The following MIR2052HG variants were observed in gnomAD, a reference collection of about 807,000 sequenced individuals.
The protein encoded by MIR2052HG is MIR2052 host gene.
intron 2 of MIR2052HG, among the ~76,000 whole-genome samples, chr8:74,633,550 C>G (rs924850830): frequency 6.6e-6 from 1 of 152,210 alleles, no homozygotes; most frequent in African/African-American, 2.4e-5. Flanking sequence ...TCTTACCTTG[C>G]TAAATGACGG....
At chr8:74,603,684 G>A in intron 1 of MIR2052HG, 1 of 1,005,764 alleles carries the variant, frequency 9.9e-7, no homozygotes, top group Non-Finnish European at 1.6e-6. Flanking sequence ...CTGCAAAGAT[G>A]ACCGGAGAGC....
intron 2 of MIR2052HG, among the ~76,000 whole-genome samples, chr8:74,686,627 G>C (rs1809184605): frequency 6.6e-6 from 1 of 152,056 alleles, no homozygotes; most frequent in Admixed American, 6.6e-5. Flanking sequence ...TCTTCAGTTT[G>C]TTATCTGTAA....
intron 2 of MIR2052HG, among the ~76,000 whole-genome samples, chr8:74,662,943 AC>A (rs1418482044): frequency 5.3e-5 from 8 of 151,830 alleles, no homozygotes; most frequent in African/African-American, 1.9e-4. Context: ...AAAAACAGAT[AC>A]TTTTTAAAGA....
intron 2 of MIR2052HG, among the ~76,000 whole-genome samples, chr8:74,690,771 G>T (rs2128739891): frequency 6.6e-6 from 1 of 152,192 alleles, no homozygotes; most frequent in South Asian, 2.1e-4. Flanking sequence ...AGAAGTTTAG[G>T]CGGTATCTTG....
chr8:74,673,910 TACACACACAAA>T (rs1809021712), intron 2 of MIR2052HG, among the ~76,000 whole-genome samples: 23 of 133,166 alleles, frequency 1.7e-4, no homozygotes, highest in African/African-American at 6.4e-4. Context: ...TATATATATA[TACACACACAAA>T]ATATCTATCT....
chr8:74,661,712 T>C (rs926165096), intron 2 of MIR2052HG, among the ~76,000 whole-genome samples: 1 of 152,134 alleles, frequency 6.6e-6, no homozygotes, highest in African/African-American at 2.4e-5. Flanking sequence ...GCAATGGCAT[T>C]CATCTGAACC....
Position 74,755,333 on chromosome 8 carries a change from T to C in MIR2052HG, n.465-2778T>C, listed in dbSNP as rs577617761. ...ATGTGTGTATTGGCAGAGTTGAAGA[T>C]AAACAATGCCAAAAGACCTCTAAAA... On this transcript the variant is annotated intron_variant and non_coding_transcript_variant, in intron 5 of 6. Transcript: ENST00000523442. 2.3e-4 allele frequency among the ~76,000 whole-genome samples: 35 copies of C among 152,340 alleles called. No individual in the cohort carries two copies. In the South Asian group the frequency reaches 6.4e-3, roughly 28 times the overall value.
chr8:74,699,245 A>G (rs1191814924), intron 2 of MIR2052HG, among the ~76,000 whole-genome samples: 1 of 152,152 alleles, frequency 6.6e-6, no homozygotes, highest in Non-Finnish European at 1.5e-5. Flanking sequence ...TGATCCAGCA[A>G]TCTCAATACT....
intron 2 of MIR2052HG, among the ~76,000 whole-genome samples, chr8:74,617,056 AC>A (rs1232684325): frequency 2.0e-5 from 3 of 152,194 alleles, no homozygotes; most frequent in African/African-American, 7.2e-5. Flanking sequence ...TTAAATACTT[AC>A]TTTCCTCACT....
chr8:74,710,575 A>C (rs1809457421), intron 4 of MIR2052HG, among the ~76,000 whole-genome samples: 1 of 152,168 alleles, frequency 6.6e-6, no homozygotes, highest in South Asian at 2.1e-4. Context: ...TTTATAGCAG[A>C]GTAATGTGGT....
At chr8:74,752,007 G>T (rs1177865921) in intron 4 of MIR2052HG, among the ~76,000 whole-genome samples, 1 of 151,848 alleles carries the variant, frequency 6.6e-6, no homozygotes, top group Non-Finnish European at 1.5e-5. Flanking sequence ...AACAGTCTAG[G>T]CATAGTCATA....
Position 74,733,049 on chromosome 8 carries a change from CATTTATTTATTT to C in MIR2052HG, n.372-19363_372-19352del, listed in dbSNP as rs71565409. ...ACCTAATCAGAGACCAATTAGGAGA[CATTTATTTATTT>C]ATTTATTTATTTATTTATTTATTTA... On this transcript the variant is annotated intron_variant and non_coding_transcript_variant, in intron 4 of 6. Transcript: ENST00000523442. Among the ~76,000 whole-genome samples, 140 of 148,940 alleles carry C rather than the reference CATTTATTTATTT, an allele frequency of 9.4e-4. 1 individual carries two copies. In the South Asian group the frequency reaches 0.016, roughly 17 times the overall value.
At chr8:74,603,349 AG>A in intron 1 of MIR2052HG, 1 of 1,610,932 alleles carries the variant, frequency 6.2e-7, no homozygotes, top group East Asian at 2.2e-5. Flanking sequence ...ATATTGAGCC[AG>A]GCTAATGCTG....
At chr8:74,730,785 C>T (rs1809683600) in intron 4 of MIR2052HG, among the ~76,000 whole-genome samples, 1 of 112,100 alleles carries the variant, frequency 8.9e-6, no homozygotes, top group African/African-American at 4.6e-5. Flanking sequence ...ACTGTTGAAG[C>T]AATTTTTATG....
At chr8:74,703,702 T>C (rs1274921385) in intron 4 of MIR2052HG, 5 of 447,080 alleles carry the variant, frequency 1.1e-5, no homozygotes, top group Non-Finnish European at 2.2e-5. Flanking sequence ...ATTTCTGCTA[T>C]GCTGTGGGAT....
At chr8:74,600,439 C>G (rs1426363843) in intron 1 of MIR2052HG, among the ~76,000 whole-genome samples, 1 of 151,370 alleles carries the variant, frequency 6.6e-6, no homozygotes, top group African/African-American at 2.4e-5. Flanking sequence ...CAAAATTAGC[C>G]GGGCGTGGTT....
chr8:74,603,596 G>T (rs1251443296), intron 1 of MIR2052HG: 1 of 1,544,296 alleles, frequency 6.5e-7, no homozygotes, highest in African/African-American at 1.4e-5. Context: ...TGAGACTGTT[G>T]CATTGCCAAC....
intron 2 of MIR2052HG, among the ~76,000 whole-genome samples, chr8:74,644,131 C>T (rs1463058154): frequency 2.6e-5 from 4 of 152,170 alleles, no homozygotes; most frequent in Non-Finnish European, 4.4e-5. Flanking sequence ...GCACTTTATT[C>T]CTCCTCAGTG....
At chr8:74,752,480 A>G (rs1809958092) in exon 5 of MIR2052HG, 1 of 456,028 alleles carries the variant, frequency 2.2e-6, no homozygotes, top group African/African-American at 2.0e-5. Context: ...CACATTCTCC[A>G]AACTCATTAA....
Sources: allele counts gnomAD v4.1 joint callset (sites outside exome capture counted in the v4.1 genomes callset), GRCh38; gene constraint gnomAD v4.1.1; transcripts MANE v1.5; gene names NCBI Gene and HGNC (gene_info 2026-07-23, HGNC 2026-07-21).